Variants in DNAAF4 observed in about 807,000 individuals in gnomAD.
DNAAF4 encodes dynein axonemal assembly factor 4.
DNAAF4 carries 43 observed loss-of-function variants against 51.8 expected under a neutral mutation model. The observed-to-expected ratio is 0.83, with a 90% CI of 0.65 to 1.07. The LOEUF is 1.07. Ranked by LOEUF, DNAAF4 falls within the 50% of genes least tolerant of loss-of-function variation. DNAAF4 has a pLI of 0.00. For synonymous variants in DNAAF4, 194 were observed against 165.6 expected (o/e 1.17, Z -1.32); for missense variants, 581 against 493.0 (o/e 1.18, Z -1.69).
rs960117242 is a variant in DNAAF4, at chr15:55,451,090, C to G, written c.638-723G>C. On this transcript the variant is annotated intron_variant, in intron 5 of 9. Transcript: ENST00000321149. The stretch of plus-strand genomic sequence containing the variant: ...CAGCCTGGGCAACAGAGTGAGACTC[C>G]GTCTCCAACAAACAAACAAACGAAA... Among the ~76,000 whole-genome samples, 5 of 152,000 alleles carry G rather than the reference C, an allele frequency of 3.3e-5. No homozygotes were observed. In the South Asian group the frequency reaches 1.0e-3, roughly 31 times the overall value.
intron 5 of DNAAF4, 54 bp downstream of exon 5, chr15:55,466,876 C>T (rs937502930): frequency 1.5e-5 from 24 of 1,567,860 alleles, no homozygotes; most frequent in Admixed American, 6.8e-5. Flanking sequence ...AGAAAAGCGT[C>T]ATATATACTT....
intron 7 of DNAAF4, among the ~76,000 whole-genome samples, chr15:55,437,180 G>A (rs867971204): frequency 6.6e-6 from 1 of 152,160 alleles, no homozygotes; most frequent in African/African-American, 2.4e-5. Flanking sequence ...ATTTGTGTAC[G>A]TCTCTCTCCT....
In DNAAF4 at chr15:55,467,181, C is replaced by A; in HGVS notation, c.406-20G>T. The stretch of plus-strand genomic sequence containing the variant: ...TTCAATCTATAACAATTGCAATTAC[C>A]AAATTCTTTAAAATACATAAAAGCA... On this transcript the variant is annotated intron_variant, in intron 4 of 9. Transcript: ENST00000321149. 1 of 1,484,338 alleles carries A rather than the reference C, an allele frequency of 6.7e-7. No individual in the cohort carries two copies. Among genetic ancestry groups the A allele is most frequent in the South Asian group, 1.3e-5 (1 of 78,488 alleles). 91.9% of individuals were successfully genotyped at this position (1,484,338 alleles called of 1,614,324 possible). A position where few individuals can be genotyped will look rare whatever the true frequency, so the allele number is the denominator to read the frequency against.
chr15:55,429,290 C>T (rs144379633), downstream of DNAAF4, among the ~76,000 whole-genome samples: 199 of 148,532 alleles, frequency 1.3e-3, 2 homozygotes, highest in African/African-American at 4.7e-3. Context: ...GAGGCCGAGG[C>T]GGGTGGATCA....
chr15:55,493,509 A>T (rs2058601030), intron 3 of DNAAF4, among the ~76,000 whole-genome samples: 1 of 152,192 alleles, frequency 6.6e-6, no homozygotes, highest in African/African-American at 2.4e-5. Context: ...AAGAACATTA[A>T]CTTCCCAAAT....
chr15:55,495,215 A>C (rs2141596906), intron 3 of DNAAF4: 1 of 136,008 alleles, frequency 7.4e-6, no homozygotes, highest in African/African-American at 2.5e-5. Context: ...AAAAAAAAAA[A>C]AAAAAAAAAA....
At chr15:55,434,566 C>A (rs1415359636) in intron 8 of DNAAF4, among the ~76,000 whole-genome samples, 1 of 152,096 alleles carries the variant, frequency 6.6e-6, no homozygotes, top group Non-Finnish European at 1.5e-5. Context: ...GGCGCGGTGG[C>A]TCATGTCTGT....
intron 6 of DNAAF4, among the ~76,000 whole-genome samples, chr15:55,444,475 C>T (rs559784194): frequency 2.0e-5 from 3 of 152,162 alleles, no homozygotes; most frequent in African/African-American, 7.2e-5. Flanking sequence ...AGTCAGGTGG[C>T]ATGATGCCTC....
At chr15:55,472,164 C>A (rs1296849352) in intron 4 of DNAAF4, among the ~76,000 whole-genome samples, 1 of 152,114 alleles carries the variant, frequency 6.6e-6, no homozygotes, top group Non-Finnish European at 1.5e-5. Context: ...AAATAAAAAT[C>A]ATCTAATATA....
At chr15:55,455,342 T>A (rs1020517402) in intron 5 of DNAAF4, among the ~76,000 whole-genome samples, 2 of 147,844 alleles carry the variant, frequency 1.4e-5, no homozygotes, top group Non-Finnish European at 3.0e-5. Context: ...TGAACCTCAA[T>A]ATGAAGATAA....
At chr15:55,475,456 T>C (rs2058323400) in intron 4 of DNAAF4, among the ~76,000 whole-genome samples, 1 of 152,170 alleles carries the variant, frequency 6.6e-6, no homozygotes, top group African/African-American at 2.4e-5. Context: ...CCCTCCCAGC[T>C]AGGATGATGA....
At chr15:55,433,986 A>G (rs1287648738) in intron 8 of DNAAF4, among the ~76,000 whole-genome samples, 1 of 55,032 alleles carries the variant, frequency 1.8e-5, no homozygotes, top group Non-Finnish European at 3.3e-5. Flanking sequence ...TATTATATAT[A>G]ATATATATAA....
intron 8 of DNAAF4, among the ~76,000 whole-genome samples, chr15:55,432,938 A>C (rs2057520513): frequency 6.6e-6 from 1 of 151,892 alleles, no homozygotes; most frequent in Admixed American, 6.6e-5. Context: ...TGACAGAGCG[A>C]GAATCCGTCT....
chr15:55,466,590 A>G (rs139322723), intron 5 of DNAAF4, among the ~76,000 whole-genome samples: 1 of 152,346 alleles, frequency 6.6e-6, no homozygotes, highest in Non-Finnish European at 1.5e-5. Context: ...CTCTAATGGA[A>G]TAAATGAATG....
intron 4 of DNAAF4, among the ~76,000 whole-genome samples, chr15:55,481,217 C>T (rs576724283): frequency 1.5e-4 from 23 of 152,180 alleles, no homozygotes; most frequent in African/African-American, 5.5e-4. Flanking sequence ...CTCCTAACTG[C>T]TGAAAAAAGT....
At chr15:55,486,619 A>G (rs892285028) in intron 4 of DNAAF4, among the ~76,000 whole-genome samples, 1 of 152,060 alleles carries the variant, frequency 6.6e-6, no homozygotes, top group African/African-American at 2.4e-5. Context: ...CCATCTCTAC[A>G]AAAACTACAA....
intron 6 of DNAAF4, among the ~76,000 whole-genome samples, chr15:55,440,889 G>A (rs2057700330): frequency 1.4e-5 from 2 of 146,964 alleles, no homozygotes; most frequent in Admixed American, 6.8e-5. Flanking sequence ...CACCATATGG[G>A]CCAGGCTGGT....
At chr15:55,505,636 A>G (rs974987627) in intron 1 of DNAAF4, among the ~76,000 whole-genome samples, 1 of 152,198 alleles carries the variant, frequency 6.6e-6, no homozygotes, top group African/African-American at 2.4e-5. Context: ...TGAATCTGGA[A>G]ACCATCACTC....
At chr15:55,449,821 C>T (rs934018791) in intron 6 of DNAAF4, among the ~76,000 whole-genome samples, 4 of 151,386 alleles carry the variant, frequency 2.6e-5, no homozygotes, top group African/African-American at 4.9e-5. Flanking sequence ...GCCCCAGCCC[C>T]GCTAGTAGCT....
Sources: gnomAD v4.1 joint callset for allele counts (sites outside exome capture counted in the v4.1 genomes callset) on GRCh38, gnomAD v4.1.1 for gene constraint, MANE v1.5 for transcripts, NCBI Gene and HGNC (gene_info 2026-07-23, HGNC 2026-07-21) for gene names.